Variants in SLF1 observed in about 807,000 individuals in gnomAD.
SLF1 encodes SMC5-SMC6 complex localization factor protein 1.
Under a neutral mutation model 123.0 loss-of-function variants are expected in SLF1, and 105 were observed. That is an observed-to-expected ratio of 0.85 (90% CI 0.73 to 1.00). SLF1 has a LOEUF of 1.00. SLF1 is among the 50% of genes least tolerant of loss of function. The pLI, the probability that SLF1 is intolerant of heterozygous loss-of-function variation, is 0.00. For missense variants in SLF1, 1,239 were observed against 1,223.0 expected (o/e 1.01, Z -0.20); for synonymous variants, 434 against 406.6 (o/e 1.07, Z -0.81).
Position 94,689,563 on chromosome 5 carries a change from CT to C in SLF1, c.2377del (p.Ser793LeufsTer2). ...ELSCSKENCP[S>X]VVKKMNFHKT... ...TGTCATGTTCCAAGGAGAATTGCCC[CT>C]CTGTAGTTAAAAAGATGAATTTTCA... On this transcript the variant is annotated frameshift_variant, in exon 18 of 21. Transcript: ENST00000265140. LOFTEE classifies it high-confidence loss of function. 1 of 1,610,314 alleles carries C rather than the reference CT, an allele frequency of 6.2e-7. No individual in the cohort carries two copies. Among genetic ancestry groups the C allele is most frequent in the Non-Finnish European group, 8.5e-7 (1 of 1,177,806 alleles).
intron 4 of SLF1, among the ~76,000 whole-genome samples, chr5:94,632,955 G>A (rs1324261779): frequency 6.6e-6 from 1 of 150,548 alleles, no homozygotes; most frequent in Admixed American, 6.6e-5. Flanking sequence ...TCCTAGAGTG[G>A]TGGAATTACA....
At chr5:94,671,562 C>T (rs1389306326) in intron 14 of SLF1, among the ~76,000 whole-genome samples, 1 of 151,404 alleles carries the variant, frequency 6.6e-6, no homozygotes, top group East Asian at 1.9e-4. Flanking sequence ...AAATATTAGT[C>T]ACCTTTTTCC....
rs1749714495 is a variant in SLF1, at chr5:94,666,044, A to G, written c.1532+20A>G. 1 of 1,528,074 alleles carries G rather than the reference A, an allele frequency of 6.5e-7. No individual in the cohort carries two copies. Among genetic ancestry groups the G allele is most frequent in the Admixed American group, 2.0e-5 (1 of 48,844 alleles). 94.7% of individuals were successfully genotyped at this position (1,528,074 alleles called of 1,614,324 possible). A position where few individuals can be genotyped will look rare whatever the true frequency, so the allele number is the denominator to read the frequency against. Reference sequence around the variant, plus strand: ...TATCAGGTAAGGAATTTCACATTTGACGATGCTACATTTCATTGAGTAGTT... The same window carrying G: ...TATCAGGTAAGGAATTTCACATTTGGCGATGCTACATTTCATTGAGTAGTT... On this transcript the variant is annotated intron_variant, in intron 12 of 20. Coordinates refer to ENST00000265140, the MANE Select transcript of SLF1 (RefSeq NM_032290.4).
At position 94,696,386 on chromosome 5, in the gene SLF1, C is replaced by G. The variant is rs1753509297; in HGVS notation, c.*1074C>G. 6.6e-5 allele frequency: 10 copies of G among 151,918 alleles called. 1 individual carries two copies. In the South Asian group the frequency reaches 2.1e-3, roughly 31 times the overall value. 9.4% of individuals were successfully genotyped at this position (151,918 alleles called of 1,614,324 possible). On this transcript the variant is annotated 3_prime_UTR_variant, in exon 21 of 21. Coordinates refer to ENST00000265140, the MANE Select transcript of SLF1 (RefSeq NM_032290.4). ...GATACAAATGCTCAGTATCATATTA[C>G]TGGGTTTGTAATCTAAATTGAAAAC...
intron 1 of SLF1, chr5:94,620,252 A>T (rs1352670642): frequency 6.6e-6 from 1 of 152,248 alleles, no homozygotes; most frequent in African/African-American, 2.4e-5. Context: ...TTGTAAAGAC[A>T]GCGAACCTTC....
chr5:94,647,126 C>A (rs1020975333), intron 5 of SLF1, among the ~76,000 whole-genome samples: 1 of 152,132 alleles, frequency 6.6e-6, no homozygotes, highest in Admixed American at 6.5e-5. Flanking sequence ...TTTCCTAGAT[C>A]CTTTTTGTCT....
intron 15 of SLF1, among the ~76,000 whole-genome samples, chr5:94,684,844 C>G (rs1406789092): frequency 6.6e-6 from 1 of 152,134 alleles, no homozygotes; most frequent in Non-Finnish European, 1.5e-5. Context: ...GGTTTAAACA[C>G]TCCTTATGAC....
intron 9 of SLF1, among the ~76,000 whole-genome samples, chr5:94,654,953 C>T (rs895789042): frequency 6.6e-6 from 1 of 152,022 alleles, no homozygotes; most frequent in Non-Finnish European, 1.5e-5. Context: ...GCTATTTATA[C>T]CTCAATAATG....
chr5:94,659,941 G>A (rs1195887347), intron 9 of SLF1, among the ~76,000 whole-genome samples: 1 of 152,150 alleles, frequency 6.6e-6, no homozygotes, highest in Non-Finnish European at 1.5e-5. Context: ...TAGCAAACAT[G>A]GGTGCCAGCA....
At chr5:94,653,178 TGTATGAAA>T (rs1443206301) in intron 7 of SLF1, 86 bp from the exon 8 acceptor site, 1 of 1,207,596 alleles carries the variant, frequency 8.3e-7, no homozygotes, top group South Asian at 1.6e-5. Flanking sequence ...TTTTTTAATG[TGTATGAAA>T]GTATGAAAGT....
rs140344550 is a variant in SLF1 at position 94,648,732 on chromosome 5, G to A, written c.595-722G>A. 5.8e-3 allele frequency among the ~76,000 whole-genome samples: 877 copies of A among 152,286 alleles called. 7 individuals carry two copies. Among genetic ancestry groups the A allele is most frequent in the African/African-American group, 0.02 (840 of 41,552 alleles). ...TCTGACCTCGTGATCCACCCGCCTT[G>A]GCTTCCCAAAGTGCTGGGATTACAG... On this transcript the variant is annotated intron_variant, in intron 5 of 20. Transcript: ENST00000265140.
At chr5:94,629,290 T>G in intron 3 of SLF1, 123 bp downstream of exon 3, 1 of 677,252 alleles carries the variant, frequency 1.5e-6, no homozygotes, top group Non-Finnish European at 2.2e-6. Flanking sequence ...TGATATTTTT[T>G]GAAAATATTT....
chr5:94,636,710 A>ATTTTTTTTTTTTTTTTTTTTTTTTTTT (rs140191160), intron 4 of SLF1, among the ~76,000 whole-genome samples: 5 of 75,464 alleles, frequency 6.6e-5, no homozygotes, highest in Non-Finnish European at 9.3e-5. Flanking sequence ...TATTTTACTG[A>ATTTTTTTTTTTTTTTTTTTTTTTTTTT]TTTTTTTTTT....
At chr5:94,680,934 G>A (rs1013676850) in intron 15 of SLF1, among the ~76,000 whole-genome samples, 1 of 152,170 alleles carries the variant, frequency 6.6e-6, no homozygotes, top group Non-Finnish European at 1.5e-5. Context: ...TGCTCCCAAA[G>A]ATCTATTAAT....
chr5:94,661,828 C>T (rs1461646300), intron 9 of SLF1, among the ~76,000 whole-genome samples: 4 of 152,128 alleles, frequency 2.6e-5, no homozygotes, highest in Non-Finnish European at 4.4e-5. Context: ...TGAGCCACAG[C>T]GCCCAGCCTC....
intron 1 of SLF1, 38 bp from the exon 2 acceptor site, chr5:94,628,773 T>G (rs1485733503): frequency 2.2e-6 from 3 of 1,354,148 alleles, no homozygotes; most frequent in South Asian, 2.8e-5. Flanking sequence ...AATAATATCT[T>G]TAACACACAT....
At chr5:94,645,559 G>T (rs11135408) in intron 5 of SLF1, among the ~76,000 whole-genome samples, 33,864 of 152,044 alleles carry the variant, frequency 0.22, 3,897 homozygotes, top group East Asian at 0.34. Flanking sequence ...ATTAGTAAAG[G>T]TATATTAATT....
Position 94,654,726 on chromosome 5 carries a change from T to G in SLF1, c.1129T>G (p.Leu377Val), listed in dbSNP as rs963905194. ...DVDVVEIKNT[L>V]RKHIYRAQAV... is the part of the protein sequence containing the mutation. ...GGATGTTGTTGAAATAAAAAATACC[T>G]TAAGGAAGCACATATATAGAGCTCA... The change falls in exon 9 of 21, where the codon TTA (leucine) becomes GTA (valine). Residue 377 changes from leucine (L) to valine (V), a missense_variant. Coordinates refer to ENST00000265140, the MANE Select transcript of SLF1 (RefSeq NM_032290.4). 3.1e-5 allele frequency: 47 copies of G among 1,540,602 alleles called. No homozygotes were observed. The highest frequency in any genetic ancestry group is 4.1e-5 in the Non-Finnish European group (47 of 1,141,430).
chr5:94,663,396 C>T (rs1487825188), intron 10 of SLF1, among the ~76,000 whole-genome samples: 1 of 152,248 alleles, frequency 6.6e-6, no homozygotes, highest in East Asian at 1.9e-4. Context: ...ATAATCCCAG[C>T]ACTTTGGGAG....
Sources: allele counts gnomAD v4.1 joint callset (sites outside exome capture counted in the v4.1 genomes callset), GRCh38; gene constraint gnomAD v4.1.1; transcripts MANE v1.5; gene names NCBI Gene and HGNC (gene_info 2026-07-23, HGNC 2026-07-21).